The following ATP2B2 variants were observed in gnomAD, a reference collection of about 807,000 sequenced individuals.
The protein encoded by ATP2B2 is plasma membrane calcium-transporting ATPase 2.
A neutral mutation model predicts 120.0 loss-of-function variants in ATP2B2; 15 were observed. The observed-to-expected ratio is 0.12, with a 90% CI of 0.08 to 0.19. The LOEUF is 0.19. ATP2B2 is among the 10% of genes least tolerant of loss of function. The probability of loss-of-function intolerance (pLI) is 1.00; values close to 1 mark genes in which losing one functional copy is unlikely to be tolerated. For missense variants in ATP2B2, 1,045 were observed against 1,719.8 expected, an observed-to-expected ratio of 0.61 and a Z score of 6.94; for synonymous variants, 694 against 700.3, an observed-to-expected ratio of 0.99 and a Z score of 0.14.
At chr3:10,361,074 T>C (rs1175014105) in intron 12 of ATP2B2, among the ~76,000 whole-genome samples, 1 of 152,234 alleles carries the variant, frequency 6.6e-6, no homozygotes, top group Non-Finnish European at 1.5e-5. Flanking sequence ...CCAAGCAAGC[T>C]GCTGTACGTG....
At chr3:10,539,452 A>G (rs990055227) in intron 2 of ATP2B2, among the ~76,000 whole-genome samples, 1 of 152,240 alleles carries the variant, frequency 6.6e-6, no homozygotes, top group Non-Finnish European at 1.5e-5. Context: ...TGGAGACATC[A>G]CGCTACCTGA....
chr3:10,407,211 T>A (rs558059023), intron 3 of ATP2B2, among the ~76,000 whole-genome samples: 6 of 152,296 alleles, frequency 3.9e-5, no homozygotes, highest in Middle Eastern at 3.4e-3. Flanking sequence ...GCTGTGTACC[T>A]GGCTAGCATC....
chr3:10,500,551 C>A (rs545455480), intron 1 of ATP2B2, among the ~76,000 whole-genome samples: 1 of 151,948 alleles, frequency 6.6e-6, no homozygotes, highest in African/African-American at 2.4e-5. Context: ...GAGAGGACAC[C>A]GAGAGACACA....
intron 2 of ATP2B2, among the ~76,000 whole-genome samples, chr3:10,445,418 A>G (rs1297442806): frequency 6.6e-6 from 1 of 151,372 alleles, no homozygotes; most frequent in Non-Finnish European, 1.5e-5. Flanking sequence ...TAAGAAGATA[A>G]AGGCGTTAAT....
intron 7 of ATP2B2, 119 bp downstream of exon 7, chr3:10,386,361 C>A: frequency 8.6e-7 from 1 of 1,165,504 alleles, no homozygotes; most frequent in Non-Finnish European, 1.3e-6. Flanking sequence ...GGGGGTGGAG[C>A]CACCCACAGG....
At chr3:10,466,690 G>A (rs1317237770) in intron 1 of ATP2B2, among the ~76,000 whole-genome samples, 1 of 152,176 alleles carries the variant, frequency 6.6e-6, no homozygotes, top group African/African-American at 2.4e-5. Context: ...TTAGCTTGCA[G>A]GAAAATCTGC....
intron 2 of ATP2B2, among the ~76,000 whole-genome samples, chr3:10,565,757 G>A (rs1289769279): frequency 1.3e-5 from 2 of 152,190 alleles, no homozygotes; most frequent in Middle Eastern, 6.3e-3. Context: ...GCTAGCTGGT[G>A]ACTTGGCTAA....
intron 2 of ATP2B2, among the ~76,000 whole-genome samples, chr3:10,582,269 A>C (rs2068409010): frequency 6.6e-6 from 1 of 152,034 alleles, no homozygotes; most frequent in African/African-American, 2.4e-5. Flanking sequence ...TCCGTGGCTG[A>C]GAGTTGGAGA....
At position 10,371,824 on chromosome 3, in the gene ATP2B2, G is replaced by A. The variant is rs1245971862; in HGVS notation, c.1644C>T (p.Tyr548=). ...LINAIAINSA[Y]TTKILPPEKE... Reference sequence around the variant, plus strand: ...CCACACTTACCAGAATCTTGGTGGTGTAGGCGCTGTTGATGGCGATGGCAT... The same window carrying A: ...CCACACTTACCAGAATCTTGGTGGTATAGGCGCTGTTGATGGCGATGGCAT... The change falls in exon 12 of 23, where the codon TAC becomes TAT. Residue 548 remains tyrosine (Y), a synonymous_variant. Transcript: ENST00000360273. 19 of 1,614,070 alleles carry A rather than the reference G, an allele frequency of 1.2e-5. No homozygotes were observed. Among genetic ancestry groups the A allele is most frequent in the Admixed American group, 1.7e-5 (1 of 60,008 alleles).
chr3:10,597,445 G>C (rs1357261005), intron 2 of ATP2B2, among the ~76,000 whole-genome samples: 2 of 152,176 alleles, frequency 1.3e-5, no homozygotes, highest in Admixed American at 1.3e-4. Context: ...CCTTCTACAG[G>C]GAGTTGCAGG....
At chr3:10,490,763 G>C (rs959054641) in intron 1 of ATP2B2, among the ~76,000 whole-genome samples, 2 of 152,220 alleles carry the variant, frequency 1.3e-5, no homozygotes, top group Non-Finnish European at 2.9e-5. Flanking sequence ...CCCAGTAGGT[G>C]CATGTAGCTG....
At chr3:10,436,951 C>A (rs1205853306) in intron 2 of ATP2B2, among the ~76,000 whole-genome samples, 1 of 152,210 alleles carries the variant, frequency 6.6e-6, no homozygotes, top group Non-Finnish European at 1.5e-5. Flanking sequence ...TTCAACATCA[C>A]ATTATTTCTT....
chr3:10,339,138 C>G (rs2060207831), intron 21 of ATP2B2, among the ~76,000 whole-genome samples: 1 of 152,176 alleles, frequency 6.6e-6, no homozygotes, highest in South Asian at 2.1e-4. Flanking sequence ...TGGCATTAAC[C>G]TTTGTCCTCT....
rs1408071083 is a variant in ATP2B2, at chr3:10,343,526, C to A, written c.2704-561G>T. Among the ~76,000 whole-genome samples, 1 of 54 alleles carries A rather than the reference C, an allele frequency of 0.019. No homozygotes were observed. The highest frequency in any genetic ancestry group is 0.056 in the African/African-American group (1 of 18). 0.0% of individuals were successfully genotyped at this position (54 alleles called of 152,430 possible). ...GGCAAATGAGGAATAGCAAAAGCAA[C>A]TAAAACTGTCAAGGACCTCACCACT... On this transcript the variant is annotated intron_variant, in intron 18 of 22. Transcript: ENST00000360273. This position sits in a 1 kb window ranked among gnomAD's most constrained non-coding sequence, Gnocchi z 4.2.
At chr3:10,498,293 T>A (rs1052415172) in intron 1 of ATP2B2, among the ~76,000 whole-genome samples, 13 of 152,226 alleles carry the variant, frequency 8.5e-5, no homozygotes, top group Admixed American at 3.3e-4. Context: ...TGGGCCCAGA[T>A]GTTGTCCTCA....
intron 1 of ATP2B2, among the ~76,000 whole-genome samples, chr3:10,661,991 A>C (rs1219633121): frequency 6.6e-6 from 1 of 152,214 alleles, no homozygotes; most frequent in African/African-American, 2.4e-5. Context: ...CAAAAACAAG[A>C]AATGGGAAAA....
intron 1 of ATP2B2, among the ~76,000 whole-genome samples, chr3:10,638,181 A>T (rs1559499294): frequency 6.6e-6 from 1 of 152,240 alleles, no homozygotes; most frequent in Admixed American, 6.5e-5. Flanking sequence ...ATGGAAATAC[A>T]GCTCCTCATA....
chr3:10,668,745 A>C (rs1302240020), intron 1 of ATP2B2, among the ~76,000 whole-genome samples: 1 of 152,068 alleles, frequency 6.6e-6, no homozygotes, highest in East Asian at 1.9e-4. Context: ...AACCTCCTGC[A>C]TTCCGCTTGC....
chr3:10,483,093 T>A (rs2065478648), intron 1 of ATP2B2, among the ~76,000 whole-genome samples: 1 of 152,208 alleles, frequency 6.6e-6, no homozygotes, highest in African/African-American at 2.4e-5. Context: ...CAGGTCCATC[T>A]CCCTCACTCA....
Sources: gnomAD v4.1 joint callset for allele counts (sites outside exome capture counted in the v4.1 genomes callset) on GRCh38, gnomAD v4.1.1 for gene constraint, Gnocchi (gnomAD v3.1) non-coding constraint, MANE v1.5 for transcripts, NCBI Gene and HGNC (gene_info 2026-07-23, HGNC 2026-07-21) for gene names.